TRIO: variants seen among roughly 807,000 people sequenced by gnomAD.
The protein encoded by TRIO is trio Rho guanine nucleotide exchange factor, also known as triple functional domain protein.
In TRIO, 58 loss-of-function variants were observed where a neutral mutation model predicts 351.9. The ratio of observed to expected loss-of-function variants is 0.16; its 90% CI spans 0.13 to 0.21. TRIO has a LOEUF of 0.21. Among genes scored for constraint, TRIO ranks in the 10% least tolerant of loss-of-function variants. The probability of loss-of-function intolerance (pLI) is 1.00; values close to 1 mark genes in which losing one functional copy is unlikely to be tolerated. For missense variants in TRIO, 3,201 were observed against 4,027.8 expected, an observed-to-expected ratio of 0.79 and a Z score of 5.56; for synonymous variants, 1,758 against 1,595.7, an observed-to-expected ratio of 1.10 and a Z score of -2.42.
At chr5:14,186,670 CT>C (rs1292084603) in intron 1 of TRIO, among the ~76,000 whole-genome samples, 1 of 152,088 alleles carries the variant, frequency 6.6e-6, no homozygotes, top group East Asian at 1.9e-4. Flanking sequence ...CTCTGCCCCC[CT>C]GGTTCAAGCG....
chr5:14,230,444 C>A (rs1218607789), intron 1 of TRIO, among the ~76,000 whole-genome samples: 1 of 151,886 alleles, frequency 6.6e-6, no homozygotes, highest in Non-Finnish European at 1.5e-5. Context: ...CAGATACCCC[C>A]ACAGATTTCC....
intron 42 of TRIO, among the ~76,000 whole-genome samples, 164 bp downstream of exon 42, chr5:14,479,514 T>C (rs142665397): frequency 4.0e-3 from 609 of 152,282 alleles, no homozygotes; most frequent in Non-Finnish European, 6.1e-3. Flanking sequence ...ATCAGAGAAA[T>C]GAGTATGAAT....
chr5:14,456,930 A>C (rs981954127), intron 34 of TRIO, among the ~76,000 whole-genome samples: 1 of 152,224 alleles, frequency 6.6e-6, no homozygotes, highest in Admixed American at 6.5e-5. Flanking sequence ...TTAAACTCCT[A>C]ATGTGTACAT....
Position 14,463,037 on chromosome 5 carries a change from G to C in TRIO, c.5667+112G>C. 2.2e-6 allele frequency: 3 copies of C among 1,346,776 alleles called. No homozygotes were observed. In the South Asian group the frequency reaches 4.9e-5, roughly 22 times the overall value. 83.4% of individuals were successfully genotyped at this position (1,346,776 alleles called of 1,614,324 possible). On this transcript the variant is annotated intron_variant, in intron 36 of 56. Coordinates refer to ENST00000344204, the MANE Select transcript of TRIO (RefSeq NM_007118.4). Reference sequence around the variant, plus strand: ...AGGAGACAGGAGGCCCCAAGATGTGGAAAAGGGCAATGCAGTGCTCTTTCA... The same window carrying C: ...AGGAGACAGGAGGCCCCAAGATGTGCAAAAGGGCAATGCAGTGCTCTTTCA...
chr5:14,448,607 ATCACC>A (rs1178337316), intron 34 of TRIO, among the ~76,000 whole-genome samples: 4 of 152,242 alleles, frequency 2.6e-5, no homozygotes, highest in Non-Finnish European at 5.9e-5. Context: ...CTGATGCGAC[ATCACC>A]TTTCCAAGGT....
chr5:14,406,498 TA>T, intron 32 of TRIO, 74 bp from the exon 33 acceptor site: 2 of 1,444,826 alleles, frequency 1.4e-6, no homozygotes, highest in South Asian at 2.3e-5. Context: ...TGCACCTCAT[TA>T]AACAAATCAG....
intron 1 of TRIO, among the ~76,000 whole-genome samples, chr5:14,232,340 C>T (rs527365067): frequency 1.3e-5 from 2 of 152,180 alleles, no homozygotes; most frequent in African/African-American, 2.4e-5. Context: ...AAATTCTAAT[C>T]ATCATTTAAG....
intron 31 of TRIO, among the ~76,000 whole-genome samples, chr5:14,405,522 G>A (rs1748628959): frequency 6.6e-6 from 1 of 152,198 alleles, no homozygotes; most frequent in South Asian, 2.1e-4. Context: ...AGCCTCAGAG[G>A]CGTTTTGGTG....
At chr5:14,488,831 G>T (rs1579809311) in intron 48 of TRIO, 3 of 678,478 alleles carry the variant, frequency 4.4e-6, no homozygotes, top group Admixed American at 4.3e-5. Flanking sequence ...TCACCGTGTT[G>T]CTCTGGAAGA....
At chr5:14,232,624 A>G (rs1346340539) in intron 1 of TRIO, among the ~76,000 whole-genome samples, 3 of 152,214 alleles carry the variant, frequency 2.0e-5, no homozygotes, top group African/African-American at 7.2e-5. Context: ...TTTGTCCACC[A>G]TGTTTTATGC....
At chr5:14,439,142 A>T (rs1351003694) in intron 34 of TRIO, among the ~76,000 whole-genome samples, 2 of 152,140 alleles carry the variant, frequency 1.3e-5, no homozygotes, top group Non-Finnish European at 2.9e-5. Context: ...CAGCCTCCTG[A>T]GTAGCTGGGA....
intron 27 of TRIO, among the ~76,000 whole-genome samples, chr5:14,393,499 A>C (rs1030652662): frequency 3.3e-5 from 5 of 152,176 alleles, no homozygotes; most frequent in Non-Finnish European, 5.9e-5. Context: ...ATTTTTTTAG[A>C]GGCTTTCTTC....
intron 21 of TRIO, among the ~76,000 whole-genome samples, chr5:14,386,337 C>T (rs1746538560): frequency 6.6e-6 from 1 of 152,032 alleles, no homozygotes; most frequent in South Asian, 2.1e-4. Context: ...TGGCTAGGGG[C>T]TGGCTGGAGT....
intron 34 of TRIO, among the ~76,000 whole-genome samples, chr5:14,431,420 G>A (rs1431776163): frequency 6.6e-6 from 1 of 152,138 alleles, no homozygotes; most frequent in Non-Finnish European, 1.5e-5. Context: ...TCAAACATTC[G>A]AGAGGACAGT....
intron 27 of TRIO, among the ~76,000 whole-genome samples, chr5:14,391,295 T>A (rs972784724): frequency 3.9e-5 from 6 of 152,206 alleles, no homozygotes; most frequent in Non-Finnish European, 7.3e-5. Flanking sequence ...CATTACTATT[T>A]ATATTCAATA....
At chr5:14,249,543 A>AGGTTAAGCAGCT (rs1794622474) in intron 1 of TRIO, among the ~76,000 whole-genome samples, 1 of 152,090 alleles carries the variant, frequency 6.6e-6, no homozygotes, top group Non-Finnish European at 1.5e-5. Context: ...GCATGTGTTG[A>AGGTTAAGCAGCT]GGTTAAGCAG....
intron 36 of TRIO, among the ~76,000 whole-genome samples, chr5:14,464,182 A>G (rs998470268): frequency 2.0e-5 from 3 of 152,136 alleles, no homozygotes; most frequent in African/African-American, 4.8e-5. Flanking sequence ...GATTTCTGTG[A>G]TATTTCCTAA....
intron 9 of TRIO, among the ~76,000 whole-genome samples, chr5:14,321,031 C>T (rs1043174016): frequency 6.6e-6 from 1 of 152,118 alleles, no homozygotes; most frequent in Non-Finnish European, 1.5e-5. Context: ...TTTGAGTGTT[C>T]CTGAGAGCTT....
chr5:14,173,104 G>T (rs1190807503), intron 1 of TRIO, among the ~76,000 whole-genome samples: 4 of 151,954 alleles, frequency 2.6e-5, no homozygotes, highest in Non-Finnish European at 4.4e-5. Flanking sequence ...GAAATGTGAC[G>T]GTTGGGGTGG....
Sources: allele counts gnomAD v4.1 joint callset (sites outside exome capture counted in the v4.1 genomes callset), GRCh38; gene constraint gnomAD v4.1.1; transcripts MANE v1.5; gene names NCBI Gene and HGNC (gene_info 2026-07-23, HGNC 2026-07-21).